NRG1: variants seen among roughly 807,000 people sequenced by gnomAD.
The protein encoded by NRG1 is pro-neuregulin-1, membrane-bound isoform.
Under a neutral mutation model 63.8 loss-of-function variants are expected in NRG1, and 18 were observed. The observed-to-expected ratio is 0.28, with a 90% CI of 0.19 to 0.42. The LOEUF (loss-of-function observed/expected upper bound fraction) is 0.42, where lower values mean the gene tolerates loss of function less well. NRG1 is among the 10% of genes least tolerant of loss of function. NRG1 has a pLI of 1.00. For missense variants in NRG1, 762 were observed against 814.7 expected, an observed-to-expected ratio of 0.94 and a Z score of 0.79; for synonymous variants, 302 against 301.3, an observed-to-expected ratio of 1.00 and a Z score of -0.02.
At chr8:32,471,382 A>G (rs1425892559) in intron 1 of NRG1, among the ~76,000 whole-genome samples, 1 of 152,118 alleles carries the variant, frequency 6.6e-6, no homozygotes, top group African/African-American at 2.4e-5. Flanking sequence ...TTTCCCCTAC[A>G]TTTTGTAATT....
intron 1 of NRG1, among the ~76,000 whole-genome samples, chr8:31,753,965 C>A (rs1416261039): frequency 6.6e-6 from 1 of 152,086 alleles, no homozygotes; most frequent in Non-Finnish European, 1.5e-5. Flanking sequence ...ACACATCCTT[C>A]TAGGTACTTA....
chr8:31,929,895 C>A (rs2129619827), intron 1 of NRG1, among the ~76,000 whole-genome samples: 1 of 152,270 alleles, frequency 6.6e-6, no homozygotes, highest in African/African-American at 2.4e-5. Flanking sequence ...CTCATACAAC[C>A]CAAGCCTGTC....
chr8:32,229,175 G>A (rs968698723), intron 1 of NRG1, among the ~76,000 whole-genome samples: 4 of 152,176 alleles, frequency 2.6e-5, no homozygotes, highest in Admixed American at 6.5e-5. Flanking sequence ...CGAAGTGAGA[G>A]AATTGGACGG....
At chr8:32,614,415 C>T in intron 3 of NRG1, 99 bp from the exon 4 acceptor site, 1 of 1,170,752 alleles carries the variant, frequency 8.5e-7, no homozygotes, top group Non-Finnish European at 1.3e-6. Flanking sequence ...GCAATACTTC[C>T]TTCCTTTACA....
chr8:32,277,507 C>A (rs1408529417), intron 1 of NRG1, among the ~76,000 whole-genome samples: 1 of 152,138 alleles, frequency 6.6e-6, no homozygotes, highest in African/African-American at 2.4e-5. Context: ...AAGTTTTTTA[C>A]CTAAACAATC....
intron 1 of NRG1, among the ~76,000 whole-genome samples, chr8:32,554,080 C>T (rs1035003153): frequency 5.9e-5 from 9 of 152,202 alleles, no homozygotes; most frequent in Admixed American, 1.3e-4. Flanking sequence ...TGCTCAAAGA[C>T]GCAAATGAAT....
chr8:31,851,266 C>A (rs575478567), intron 1 of NRG1, among the ~76,000 whole-genome samples: 195 of 152,100 alleles, frequency 1.3e-3, no homozygotes, highest in African/African-American at 4.1e-3. Context: ...TTGGGAGTAG[C>A]CTTAGTAGCA....
chr8:31,937,702 ACTGCAGG>A (rs1454229864), intron 1 of NRG1, among the ~76,000 whole-genome samples: 1 of 152,120 alleles, frequency 6.6e-6, no homozygotes, highest in Non-Finnish European at 1.5e-5. Context: ...GGCCTTTAGG[ACTGCAGG>A]CTGCATGGGA....
chr8:32,269,206 G>A (rs561652150), intron 1 of NRG1, among the ~76,000 whole-genome samples: 14 of 151,382 alleles, frequency 9.2e-5, no homozygotes, highest in Non-Finnish European at 2.1e-4. Flanking sequence ...CCTTATTTTT[G>A]TCTCTTCCTT....
At chr8:32,333,811 T>C (rs919949973) in intron 1 of NRG1, among the ~76,000 whole-genome samples, 2 of 152,172 alleles carry the variant, frequency 1.3e-5, no homozygotes, top group Non-Finnish European at 2.9e-5. Flanking sequence ...TGTTACCCTG[T>C]GTACGAAATG....
chr8:32,251,401 G>A (rs1215109387), intron 1 of NRG1, among the ~76,000 whole-genome samples: 2 of 152,082 alleles, frequency 1.3e-5, no homozygotes, highest in Non-Finnish European at 2.9e-5. Flanking sequence ...CCTTTTTTAT[G>A]GTTGCGTAGT....
intron 1 of NRG1, among the ~76,000 whole-genome samples, chr8:31,682,340 G>A (rs752364484): frequency 4.6e-5 from 7 of 152,206 alleles, no homozygotes; most frequent in Non-Finnish European, 8.8e-5. Context: ...TGTTGTCACC[G>A]TTTGGATTTT....
At chr8:32,587,337 C>T (rs1296483573) in intron 1 of NRG1, among the ~76,000 whole-genome samples, 2 of 152,140 alleles carry the variant, frequency 1.3e-5, no homozygotes, top group Admixed American at 6.5e-5. Flanking sequence ...GGAACATGAC[C>T]AGGGTCTCGG....
intron 5 of NRG1, among the ~76,000 whole-genome samples, chr8:32,642,342 C>A (rs1466126416): frequency 1.3e-5 from 2 of 152,214 alleles, no homozygotes; most frequent in African/African-American, 4.8e-5. Flanking sequence ...AAATTGCATT[C>A]TTCAGCCCTG....
At chr8:31,915,842 TA>T (rs1464476267) in intron 1 of NRG1, among the ~76,000 whole-genome samples, 1 of 152,088 alleles carries the variant, frequency 6.6e-6, no homozygotes, top group African/African-American at 2.4e-5. Flanking sequence ...ATATTTTTTG[TA>T]TGGTGGGTTT....
intron 1 of NRG1, among the ~76,000 whole-genome samples, chr8:32,531,668 T>C (rs747994573): frequency 6.6e-6 from 1 of 152,204 alleles, no homozygotes; most frequent in Non-Finnish European, 1.5e-5. Context: ...TTAGTATTAC[T>C]TAGGGTGTTG....
chr8:32,159,769 A>G (rs777065847), intron 1 of NRG1, among the ~76,000 whole-genome samples: 1 of 152,134 alleles, frequency 6.6e-6, no homozygotes, highest in African/African-American at 2.4e-5. Context: ...GTATTAGTAT[A>G]ATAGTCTTAG....
intron 1 of NRG1, among the ~76,000 whole-genome samples, chr8:32,150,126 C>T (rs1837338934): frequency 6.6e-6 from 1 of 152,072 alleles, no homozygotes; most frequent in African/African-American, 2.4e-5. Flanking sequence ...TAAAACCATG[C>T]AGAGCAACAA....
intron 1 of NRG1, among the ~76,000 whole-genome samples, chr8:31,757,092 A>G (rs73590130): frequency 0.16 from 24,115 of 152,204 alleles, 2,205 homozygotes; most frequent in East Asian, 0.2. Context: ...GAGTAAATAA[A>G]GCCACATCTC....
Sources: gnomAD v4.1 joint callset for allele counts (sites outside exome capture counted in the v4.1 genomes callset) on GRCh38, gnomAD v4.1.1 for gene constraint, MANE v1.5 for transcripts, NCBI Gene and HGNC (gene_info 2026-07-23, HGNC 2026-07-21) for gene names.